SVOPL: variants seen among roughly 807,000 people sequenced by gnomAD.
The protein encoded by SVOPL is SVOP like, also known as putative transporter SVOPL.
SVOPL carries 60 observed loss-of-function variants against 61.0 expected under a neutral mutation model. The ratio of observed to expected loss-of-function variants is 0.98; its 90% confidence interval spans 0.80 to 1.22. SVOPL has a LOEUF of 1.22. SVOPL is among the 50% of genes most tolerant of loss of function. SVOPL has a pLI of 0.00. For missense variants in SVOPL, 662 were observed against 643.9 expected (o/e 1.03, Z -0.30); for synonymous variants, 279 against 250.0 (o/e 1.12, Z -1.09).
chr7:138,681,809 T>TG (rs2117126573), intron 1 of SVOPL, among the ~76,000 whole-genome samples: 1 of 151,992 alleles, frequency 6.6e-6, no homozygotes, highest in African/African-American at 2.4e-5. Context: ...GGTGACAGAG[T>TG]GAGACTCCAT....
chr7:138,659,492 GA>G (rs11295502), intron 6 of SVOPL, among the ~76,000 whole-genome samples: 70,777 of 139,960 alleles, frequency 0.51, 17,412 homozygotes, highest in African/African-American at 0.61. Flanking sequence ...ACTCTATCTC[GA>G]AAAAAAAAAA....
chr7:138,692,081 C>T (rs752185431), intron 1 of SVOPL, among the ~76,000 whole-genome samples: 37 of 151,964 alleles, frequency 2.4e-4, no homozygotes, highest in Admixed American at 7.2e-4. Context: ...GAGGCCGAGG[C>T]GGGTGGATCA....
At chr7:138,698,391 T>C (rs758199504) in intron 1 of SVOPL, among the ~76,000 whole-genome samples, 1 of 152,148 alleles carries the variant, frequency 6.6e-6, no homozygotes, top group Non-Finnish European at 1.5e-5. Context: ...AAAACCTTCT[T>C]CTGCCCCTTG....
chr7:138,625,030 C>T (rs543845257), intron 13 of SVOPL: 1 of 152,256 alleles, frequency 6.6e-6, no homozygotes, highest in African/African-American at 2.4e-5. Flanking sequence ...TATCAATACT[C>T]CAATCATTTT....
Position 138,620,512 on chromosome 7 carries a change from G to A in SVOPL, c.1353+534C>T, listed in dbSNP as rs112762878. The stretch of plus-strand genomic sequence containing the variant: ...GCTCCATAGCCCTCTGAGGAACCAC[G>A]ACCCCCAGGGTCGCCATACCTGCCT... On this transcript the variant is annotated intron_variant, in intron 14 of 15. Transcript: ENST00000674285. Among the ~76,000 whole-genome samples, 429 of 145,294 alleles carry A rather than the reference G, an allele frequency of 3.0e-3. 1 individual carries two copies. Among genetic ancestry groups the A allele is most frequent in the African/African-American group, 9.8e-3 (382 of 39,020 alleles).
Position 138,631,815 on chromosome 7 carries a change from C to A in SVOPL, c.790-1693G>T, listed in dbSNP as rs191184595. 4.2e-3 allele frequency among the ~76,000 whole-genome samples: 641 copies of A among 152,124 alleles called. 5 individuals are homozygous for A. The highest frequency in any genetic ancestry group is 0.014 in the African/African-American group (601 of 41,486). On this transcript the variant is annotated intron_variant, in intron 9 of 15. Transcript: ENST00000674285. Reference sequence around the variant, plus strand: ...AACTCCTGACTTCAAGTGATCCACCCGCCTTGGCCTCCCAAAGTGCTTAGA... The same window carrying A: ...AACTCCTGACTTCAAGTGATCCACCAGCCTTGGCCTCCCAAAGTGCTTAGA...
At chr7:138,638,695 A>C (rs1343326168) in intron 9 of SVOPL, among the ~76,000 whole-genome samples, 1 of 152,212 alleles carries the variant, frequency 6.6e-6, no homozygotes, top group Non-Finnish European at 1.5e-5. Flanking sequence ...TATAAATGAG[A>C]GAGGAGAAAG....
chr7:138,607,301 T>C (rs961819632), intron 14 of SVOPL, among the ~76,000 whole-genome samples: 2 of 152,150 alleles, frequency 1.3e-5, no homozygotes, highest in African/African-American at 2.4e-5. Flanking sequence ...AGTCATAAAA[T>C]GGATGATACC....
chr7:138,619,984 C>G (rs1160602635), intron 14 of SVOPL, among the ~76,000 whole-genome samples: 2 of 152,102 alleles, frequency 1.3e-5, no homozygotes, highest in Non-Finnish European at 2.9e-5. Context: ...AGGCACCAGA[C>G]AGAGAAAGAG....
rs1308665525 is a variant in SVOPL, at chr7:138,627,409, A to C, written c.1122T>G (p.Leu374=). The C allele has an allele frequency of 1.2e-6, 2 of 1,613,732 alleles. No individual in the cohort carries two copies. The highest frequency in any genetic ancestry group is 8.5e-7 in the Non-Finnish European group (1 of 1,179,742). ...GINFLGRRLS[L]SITMGCTALF... ...AAGCCGTGCATCCCATGGTAATAGA[A>C]AGGCTCAGCCGTCTTCCCAGGAAAT... Residue 374 remains leucine (L), a synonymous_variant, in exon 12 of 16, where the codon CTT becomes CTG. Coordinates refer to ENST00000674285, the MANE Select transcript of SVOPL (RefSeq NM_001139456.2).
chr7:138,661,333 T>C (rs1027989361), intron 5 of SVOPL: 2 of 985,338 alleles, frequency 2.0e-6, no homozygotes, highest in Non-Finnish European at 2.4e-6. Flanking sequence ...TAGCTGCTTA[T>C]GTTTATACCT....
chr7:138,638,653 G>A (rs567149955), intron 9 of SVOPL, among the ~76,000 whole-genome samples: 47 of 150,894 alleles, frequency 3.1e-4, no homozygotes, highest in African/African-American at 1.1e-3. Context: ...TAAGTTCAAA[G>A]AAAAAAAAAT....
Position 138,623,554 on chromosome 7 carries a change from C to T in SVOPL, c.1263+2415G>A, listed in dbSNP as rs574258309. On this transcript the variant is annotated intron_variant, in intron 13 of 15. Coordinates refer to ENST00000674285, the MANE Select transcript of SVOPL (RefSeq NM_001139456.2). ...GGTGGAGCTTGCAGTGAGCCGAGAT[C>T]GCGCCACTGCACTCCAGCCTGGGCG... Among the ~76,000 whole-genome samples the T allele has an allele frequency of 5.9e-5, 9 of 151,752 alleles. No homozygotes were observed. The South Asian group carries it at 1.0e-3, about 18-fold the overall frequency.
At position 138,663,117 on chromosome 7, in the gene SVOPL, C is replaced by T. The variant is rs757945832; in HGVS notation, c.302G>A (p.Ser101Asn). Residue 101 changes from serine (S) to asparagine (N), a missense_variant, in exon 5 of 16, where the codon AGT becomes AAT. By Grantham distance (46) the Ser-to-Asn change is conservative. Transcript: ENST00000674285. ...GTCAGCCAGGAGGCCAAAGAGGATA[C>T]TGAAAACCATGTAGCCAAAAAACAC... ...TMVFFGYMVF[S>N]ILFGLLADRY... The T allele has an allele frequency of 1.5e-5, 24 of 1,614,138 alleles. No individual in the cohort carries two copies. Among genetic ancestry groups the T allele is most frequent in the Non-Finnish European group, 1.8e-5 (21 of 1,180,036 alleles).
At chr7:138,669,093 C>T (rs1802350896) in intron 4 of SVOPL, among the ~76,000 whole-genome samples, 1 of 152,178 alleles carries the variant, frequency 6.6e-6, no homozygotes, top group Non-Finnish European at 1.5e-5. Flanking sequence ...TGCTCCTTCG[C>T]CCTCAAGCAC....
At chr7:138,653,494 C>T (rs1193395567) in intron 7 of SVOPL, among the ~76,000 whole-genome samples, 2 of 152,142 alleles carry the variant, frequency 1.3e-5, no homozygotes, top group Non-Finnish European at 2.9e-5. Flanking sequence ...TATCCTAGGG[C>T]CCTTAAGAAT....
rs528295005 is a variant in SVOPL at position 138,695,946 on chromosome 7, G to A, written c.-35+5232C>T. On this transcript the variant is annotated intron_variant, in intron 1 of 15. Transcript: ENST00000674285. The stretch of plus-strand genomic sequence containing the variant: ...TACAGGTGTGTGCCACCACGCCTGG[G>A]CAATTTTGTATTTTTAGTAGAGACA... Among the ~76,000 whole-genome samples the A allele has an allele frequency of 2.0e-5, 3 of 151,812 alleles. No homozygotes were observed. The East Asian group carries it at 5.9e-4, about 30-fold the overall frequency.
intron 4 of SVOPL, among the ~76,000 whole-genome samples, chr7:138,670,100 A>G (rs1425588376): frequency 4.6e-5 from 7 of 152,238 alleles, no homozygotes; most frequent in African/African-American, 1.7e-4. Flanking sequence ...AATAGAAAAA[A>G]TTATGACAGT....
At chr7:138,620,888 T>C (rs1333936954) in intron 14 of SVOPL, among the ~76,000 whole-genome samples, 158 bp downstream of exon 14, 1 of 152,128 alleles carries the variant, frequency 6.6e-6, no homozygotes, top group Non-Finnish European at 1.5e-5. Context: ...TTAGCCTCTC[T>C]CTCTACCTAA....
Sources: allele counts gnomAD v4.1 joint callset (sites outside exome capture counted in the v4.1 genomes callset), GRCh38; gene constraint gnomAD v4.1.1; transcripts MANE v1.5; gene names NCBI Gene and HGNC (gene_info 2026-07-23, HGNC 2026-07-21).